The following N4BP1 variants were observed in gnomAD, a reference collection of about 807,000 sequenced individuals.
The protein encoded by N4BP1 is NEDD4 binding protein 1.
In N4BP1, 21 loss-of-function variants were observed where a neutral mutation model predicts 70.9. The ratio of observed to expected loss-of-function variants is 0.30; its 90% CI spans 0.21 to 0.43. N4BP1 has a LOEUF of 0.43. Among genes scored for constraint, N4BP1 ranks in the 20% least tolerant of loss-of-function variants. The pLI, the probability that N4BP1 is intolerant of heterozygous loss-of-function variation, is 1.00. For synonymous variants in N4BP1, 387 were observed against 394.6 expected (o/e 0.98, Z 0.23); for missense variants, 936 against 1,069.4 (o/e 0.88, Z 1.74).
intron 4 of N4BP1, 65 bp from the exon 5 acceptor site, chr16:48,548,179 T>G (rs764158091): frequency 2.2e-6 from 2 of 917,160 alleles, no homozygotes; most frequent in Non-Finnish European, 3.6e-6. Context: ...AGCCATGTTA[T>G]AAGAAGAGAA....
chr16:48,604,269 G>C (rs866978544), intron 1 of N4BP1, among the ~76,000 whole-genome samples: 5 of 152,168 alleles, frequency 3.3e-5, no homozygotes, highest in African/African-American at 9.7e-5. Context: ...GAAACATATG[G>C]GCTAGGCATG....
chr16:48,566,456 T>G (rs1354914378), intron 1 of N4BP1, among the ~76,000 whole-genome samples: 1 of 152,220 alleles, frequency 6.6e-6, no homozygotes, highest in Non-Finnish European at 1.5e-5. Flanking sequence ...AATATATTTT[T>G]CAAAATTTCC....
At chr16:48,595,408 G>GAT (rs1964395981) in intron 1 of N4BP1, among the ~76,000 whole-genome samples, 1 of 115,696 alleles carries the variant, frequency 8.6e-6, no homozygotes, top group Non-Finnish European at 1.6e-5. Flanking sequence ...AGTGAGCCGA[G>GAT]ATCACACCAC....
chr16:48,594,804 A>G (rs1231164567), intron 1 of N4BP1, among the ~76,000 whole-genome samples: 1 of 152,240 alleles, frequency 6.6e-6, no homozygotes, highest in Non-Finnish European at 1.5e-5. Flanking sequence ...ACTATATGTT[A>G]TCAATAATAA....
rs899830884 is a variant in N4BP1, at chr16:48,541,505, G to A, written c.*1399C>T. ...CGCAGTGATCAAACAAAACCAAGAA[G>A]CAGGCCTGGAGGGAGCACTCTGGGA... On this transcript the variant is annotated 3_prime_UTR_variant, in exon 7 of 7. Transcript: ENST00000262384. 42 of 152,374 alleles carry A rather than the reference G, an allele frequency of 2.8e-4. No homozygotes were observed. Among genetic ancestry groups the A allele is most frequent in the African/African-American group, 8.2e-4 (34 of 41,472 alleles). 9.4% of individuals were successfully genotyped at this position (152,374 alleles called of 1,614,324 possible).
chr16:48,590,145 T>C (rs1964312422), intron 1 of N4BP1, among the ~76,000 whole-genome samples: 1 of 152,144 alleles, frequency 6.6e-6, no homozygotes, highest in East Asian at 1.9e-4. Flanking sequence ...TTGCAGACTC[T>C]GCACTCAATG....
At chr16:48,571,678 A>G (rs942596290) in intron 1 of N4BP1, among the ~76,000 whole-genome samples, 17 of 152,194 alleles carry the variant, frequency 1.1e-4, no homozygotes, top group Admixed American at 5.9e-4. Flanking sequence ...ATCAGAATAG[A>G]AATGTGGGCA....
intron 1 of N4BP1, among the ~76,000 whole-genome samples, chr16:48,598,185 GT>G (rs956422084): frequency 1.6e-4 from 24 of 152,200 alleles, no homozygotes; most frequent in African/African-American, 5.5e-4. Flanking sequence ...TGCTTAAGAT[GT>G]TTTTCTTAGG....
chr16:48,604,450 G>A (rs1030917314), intron 1 of N4BP1, among the ~76,000 whole-genome samples: 1 of 152,002 alleles, frequency 6.6e-6, no homozygotes, highest in Non-Finnish European at 1.5e-5. Flanking sequence ...CTACTCAGGA[G>A]GCCAAGAGGA....
At chr16:48,602,541 T>C (rs1455964824) in intron 1 of N4BP1, among the ~76,000 whole-genome samples, 1 of 152,182 alleles carries the variant, frequency 6.6e-6, no homozygotes, top group East Asian at 1.9e-4. Flanking sequence ...AACCCCAAAA[T>C]GTCAGCCATA....
chr16:48,591,303 C>G (rs1025805713), intron 1 of N4BP1, among the ~76,000 whole-genome samples: 1 of 152,096 alleles, frequency 6.6e-6, no homozygotes, highest in Non-Finnish European at 1.5e-5. Flanking sequence ...GTCCCACCCC[C>G]ACCCCAATGG....
chr16:48,581,455 A>G (rs1215825594), intron 1 of N4BP1, among the ~76,000 whole-genome samples: 2 of 152,152 alleles, frequency 1.3e-5, no homozygotes, highest in Non-Finnish European at 2.9e-5. Context: ...GAAAGAAAAA[A>G]GTTAAACTGT....
intron 4 of N4BP1, among the ~76,000 whole-genome samples, chr16:48,549,217 CATT>C (rs376472433): frequency 1.1e-3 from 173 of 152,262 alleles, no homozygotes; most frequent in African/African-American, 3.1e-3. Flanking sequence ...TAAAAAACCT[CATT>C]AGTTTCAGAG....
intron 1 of N4BP1, among the ~76,000 whole-genome samples, chr16:48,568,813 T>C (rs547407993): frequency 6.6e-6 from 1 of 152,366 alleles, no homozygotes; most frequent in South Asian, 2.1e-4. Flanking sequence ...GATGCTTGCA[T>C]GATTTTTACG....
intron 6 of N4BP1, among the ~76,000 whole-genome samples, chr16:48,545,050 C>T (rs150579041): frequency 9.2e-5 from 14 of 152,106 alleles, no homozygotes; most frequent in Admixed American, 2.0e-4. Context: ...CTGCAACCTC[C>T]GCCTCCCAGG....
At chr16:48,546,398 G>A in intron 5 of N4BP1, 144 bp from the exon 6 acceptor site, 1 of 464,054 alleles carries the variant, frequency 2.2e-6, no homozygotes, top group Non-Finnish European at 3.8e-6. Flanking sequence ...CCTAAAAGCG[G>A]GGAAAACACC....
rs1046780753 is a variant in N4BP1, at chr16:48,609,768, G to A, written c.198+7C>T. On this transcript the variant is annotated splice_region_variant and intron_variant, in intron 1 of 6. Transcript: ENST00000262384. ...CGCGGGCGCGCGGGGGCGGCGGCCG[G>A]ACTCACCTTGGCGCTGTGCACCGCC... 7 of 1,380,970 alleles carry A rather than the reference G, an allele frequency of 5.1e-6. No individual in the cohort carries two copies. The African/African-American group carries it at 1.1e-4, about 21-fold the overall frequency. 85.5% of individuals were successfully genotyped at this position (1,380,970 alleles called of 1,614,324 possible). A position where few individuals can be genotyped will look rare whatever the true frequency, so the allele number is the denominator to read the frequency against.
intron 6 of N4BP1, among the ~76,000 whole-genome samples, chr16:48,545,469 T>C (rs1298139866): frequency 6.6e-6 from 1 of 150,424 alleles, no homozygotes; most frequent in African/African-American, 2.4e-5. Context: ...TCCCAGCTAC[T>C]TGGGAGGCTG....
In N4BP1 at chr16:48,568,784, T is replaced by A. The variant is rs374579007; in HGVS notation, c.199-6340A>T. On this transcript the variant is annotated intron_variant, in intron 1 of 6. Transcript: ENST00000262384. ...TCATTTGAATTGTTGTTCCTCCACATGTGGTATGCTTTTCTCTGGATGCTT... is the reference window on the plus strand; with the variant it reads ...TCATTTGAATTGTTGTTCCTCCACAAGTGGTATGCTTTTCTCTGGATGCTT... Among the ~76,000 whole-genome samples, 20 of 152,332 alleles carry A rather than the reference T, an allele frequency of 1.3e-4. No homozygotes were observed. The East Asian group carries it at 3.5e-3, about 26-fold the overall frequency.
Sources: allele counts gnomAD v4.1 joint callset (sites outside exome capture counted in the v4.1 genomes callset), GRCh38; gene constraint gnomAD v4.1.1; transcripts MANE v1.5; gene names NCBI Gene and HGNC (gene_info 2026-07-23, HGNC 2026-07-21).